The following ADAMTS6 variants were observed in gnomAD, a reference collection of about 807,000 sequenced individuals.
The protein encoded by ADAMTS6 is ADAM metallopeptidase with thrombospondin type 1 motif 6, also known as A disintegrin and metalloproteinase with thrombospondin motifs 6.
Under a neutral mutation model 144.3 loss-of-function variants are expected in ADAMTS6, and 23 were observed. That is an observed-to-expected ratio of 0.16 (90% CI 0.11 to 0.23). The LOEUF is 0.23. Ranked by LOEUF, ADAMTS6 falls within the 10% of genes least tolerant of loss-of-function variation. The pLI is 1.00. For synonymous variants in ADAMTS6, 444 were observed against 457.5 expected, an observed-to-expected ratio of 0.97 and a Z score of 0.38; for missense variants, 999 against 1,379.6, an observed-to-expected ratio of 0.72 and a Z score of 4.37.
At chr5:65,388,180 G>T (rs1359229723) in intron 7 of ADAMTS6, among the ~76,000 whole-genome samples, 1 of 152,050 alleles carries the variant, frequency 6.6e-6, no homozygotes, top group Non-Finnish European at 1.5e-5. Flanking sequence ...TTGCATTCCT[G>T]CCTGGGCTAC....
At chr5:65,438,960 C>T (rs1434153312) in intron 7 of ADAMTS6, among the ~76,000 whole-genome samples, 1 of 152,186 alleles carries the variant, frequency 6.6e-6, no homozygotes, top group East Asian at 1.9e-4. Context: ...CTCCTCTCTT[C>T]CCTATCCTCA....
chr5:65,214,562 C>T lies in ADAMTS6; in HGVS notation c.2575+232G>A. 1.7e-6 allele frequency: 1 copy of T among 593,150 alleles called. No homozygotes were observed. The highest frequency in any genetic ancestry group is 3.0e-6 in the Non-Finnish European group (1 of 337,258). The allele number at this position is 593,150 out of a possible 1,614,324, so 36.7% of individuals were successfully genotyped here. ...GTCTTGGGAGAAGCACCAGCAGAGA[C>T]ACTCATTGTGCCAAGATGTATTTTA... is the stretch of plus-strand genomic sequence containing the variant. On this transcript the variant is annotated intron_variant, in intron 20 of 24. Transcript: ENST00000381055. The surrounding 1 kb of genome is among the most constrained non-coding windows in gnomAD (Gnocchi z 4.6).
At chr5:65,174,233 C>A (rs1034515685) in intron 22 of ADAMTS6, among the ~76,000 whole-genome samples, 1 of 152,166 alleles carries the variant, frequency 6.6e-6, no homozygotes, top group Non-Finnish European at 1.5e-5. Context: ...CCGAATAAAG[C>A]CCTTCCTTCT....
intron 21 of ADAMTS6, among the ~76,000 whole-genome samples, chr5:65,196,278 T>G (rs1660268808): frequency 6.6e-6 from 1 of 152,090 alleles, no homozygotes; most frequent in South Asian, 2.1e-4. Flanking sequence ...GGCTCATGCC[T>G]GTAATCCCAG....
intron 3 of ADAMTS6, 33 bp from the exon 4 acceptor site, chr5:65,460,371 G>C (rs373050570): frequency 5.6e-5 from 86 of 1,540,096 alleles, no homozygotes; most frequent in Non-Finnish European, 7.0e-5. Flanking sequence ...ACTTACCAAA[G>C]AGAATCATTT....
chr5:65,339,605 G>A (rs915767973), intron 7 of ADAMTS6, among the ~76,000 whole-genome samples: 1 of 151,714 alleles, frequency 6.6e-6, no homozygotes, highest in Admixed American at 6.6e-5. Flanking sequence ...ACAATTTAAT[G>A]AAATCAGAAC....
Position 65,473,589 on chromosome 5 carries a change from A to G in ADAMTS6, c.85T>C (p.Tyr29His), listed in dbSNP as rs1760631589. The G allele has an allele frequency of 6.2e-7, 1 of 1,613,486 alleles. No individual in the cohort carries two copies. The highest frequency in any genetic ancestry group is 8.5e-7 in the Non-Finnish European group (1 of 1,179,464). Residue 29 changes from tyrosine to histidine, a missense_variant, in exon 2 of 25, where the codon TAC (tyrosine) becomes CAC (histidine). This residue lies in a region of ADAMTS6 where 252 missense variants were observed against 293.7 expected (regional missense o/e 0.86). Transcript: ENST00000381055. ...SEFHSDHRLS[Y>H]SSQEEFLTYL... is the part of the protein sequence containing the mutation. ...GCAAGAATCCTACCTTGAGAACTGT[A>G]TGAAAGCCTGTGGTCACTATGAAAT...
chr5:65,275,430 AAG>A (rs1762451419), intron 11 of ADAMTS6, among the ~76,000 whole-genome samples: 1 of 150,892 alleles, frequency 6.6e-6, no homozygotes, highest in African/African-American at 2.4e-5. Flanking sequence ...GAAAGAAAGA[AAG>A]AAAAGAAAAA....
intron 20 of ADAMTS6, among the ~76,000 whole-genome samples, chr5:65,212,299 C>T (rs1383877003): frequency 2.0e-5 from 3 of 152,062 alleles, no homozygotes; most frequent in Non-Finnish European, 4.4e-5. Context: ...TAATCACCCA[C>T]AACCAACCCT....
At chr5:65,476,875 A>C (rs1345608517) in intron 1 of ADAMTS6, among the ~76,000 whole-genome samples, 1 of 152,146 alleles carries the variant, frequency 6.6e-6, no homozygotes, top group Non-Finnish European at 1.5e-5. Context: ...AGCCTCCCAA[A>C]GTGCTGGGAT....
intron 7 of ADAMTS6, among the ~76,000 whole-genome samples, chr5:65,446,614 T>C (rs997382913): frequency 1.3e-5 from 2 of 152,142 alleles, no homozygotes; most frequent in African/African-American, 4.8e-5. Flanking sequence ...TCTGAAGAAT[T>C]TAGGCCAATA....
intron 7 of ADAMTS6, among the ~76,000 whole-genome samples, chr5:65,434,061 AT>A (rs1295907917): frequency 6.6e-6 from 1 of 152,248 alleles, no homozygotes; most frequent in East Asian, 1.9e-4. Context: ...ATAGAATATT[AT>A]TTGACCATAA....
At chr5:65,356,148 T>A (rs1580476213) in intron 7 of ADAMTS6, among the ~76,000 whole-genome samples, 1 of 151,860 alleles carries the variant, frequency 6.6e-6, no homozygotes, top group Non-Finnish European at 1.5e-5. Flanking sequence ...CCATTTTGAA[T>A]TTTTTCAATG....
chr5:65,374,632 A>G (rs1751325771), intron 7 of ADAMTS6, among the ~76,000 whole-genome samples: 1 of 152,216 alleles, frequency 6.6e-6, no homozygotes, highest in Non-Finnish European at 1.5e-5. Flanking sequence ...ATGGAAGAAC[A>G]TTGCATGCTC....
intron 9 of ADAMTS6, among the ~76,000 whole-genome samples, chr5:65,301,018 TTTTGAAAACCATTGATATAC>T (rs1402503831): frequency 6.6e-6 from 1 of 152,208 alleles, no homozygotes; most frequent in Non-Finnish European, 1.5e-5. Flanking sequence ...TCAAAACACC[TTTTGAAAACCATTGATATAC>T]TTAAGGATTT....
chr5:65,204,352 C>A (rs1341710625), intron 20 of ADAMTS6, among the ~76,000 whole-genome samples: 2 of 152,106 alleles, frequency 1.3e-5, no homozygotes, highest in Non-Finnish European at 2.9e-5. Flanking sequence ...GAAGTGTGAA[C>A]CAACCACGAA....
intron 9 of ADAMTS6, among the ~76,000 whole-genome samples, chr5:65,329,108 A>G (rs1475765905): frequency 2.6e-5 from 4 of 152,138 alleles, no homozygotes; most frequent in Non-Finnish European, 5.9e-5. Context: ...ACTGGACTTT[A>G]TAAGGAAACA....
intron 20 of ADAMTS6, among the ~76,000 whole-genome samples, chr5:65,202,526 A>G (rs1755801644): frequency 6.6e-6 from 1 of 152,180 alleles, no homozygotes; most frequent in Non-Finnish European, 1.5e-5. Flanking sequence ...CCTCAATGAG[A>G]TTACACTAAA....
intron 7 of ADAMTS6, among the ~76,000 whole-genome samples, chr5:65,391,908 G>A (rs1357358799): frequency 1.3e-5 from 2 of 151,824 alleles, no homozygotes; most frequent in Admixed American, 1.3e-4. Context: ...GCTAATTTTT[G>A]TATTTTTAGC....
Sources: gnomAD v4.1 joint callset for allele counts (sites outside exome capture counted in the v4.1 genomes callset) on GRCh38, gnomAD v4.1.1 for gene constraint, gnomAD v4.1.1 regional missense constraint, Gnocchi (gnomAD v3.1) non-coding constraint, MANE v1.5 for transcripts, NCBI Gene and HGNC (gene_info 2026-07-23, HGNC 2026-07-21) for gene names.